Variants in UST observed in about 807,000 individuals in gnomAD.
The protein encoded by UST is uronyl 2-sulfotransferase.
UST carries 21 observed loss-of-function variants against 45.6 expected under a neutral mutation model. That is an observed-to-expected ratio of 0.46 (90% CI 0.33 to 0.66). The LOEUF is 0.66. Ranked by LOEUF, UST falls within the 30% of genes least tolerant of loss-of-function variation. UST has a pLI of 0.02. For missense variants in UST, 463 were observed against 512.4 expected, an observed-to-expected ratio of 0.90 and a Z score of 0.93; for synonymous variants, 215 against 200.6, an observed-to-expected ratio of 1.07 and a Z score of -0.61.
chr6:148,882,829 TA>T (rs1778848311), intron 1 of UST, among the ~76,000 whole-genome samples: 1 of 152,196 alleles, frequency 6.6e-6, no homozygotes, highest in South Asian at 2.1e-4. Flanking sequence ...AAACACTCAA[TA>T]AAGGTTGTTA....
rs5880821 is a variant in UST, at chr6:148,971,225, A to AT, written c.681+6673dup. 1.7e-4 allele frequency among the ~76,000 whole-genome samples: 26 copies of AT among 150,956 alleles called. No individual in the cohort carries two copies. The South Asian group carries it at 3.8e-3, about 22-fold the overall frequency. On this transcript the variant is annotated intron_variant, in intron 5 of 7. Coordinates refer to ENST00000367463, the MANE Select transcript of UST (RefSeq NM_005715.3). ...TGCAAAACTAAGTGGCCAGTCATAC[A>AT]TTTTTTTTTTTCTTCTACTAGTGAC...
At chr6:149,017,900 G>A (rs1373110917) in intron 5 of UST, among the ~76,000 whole-genome samples, 2 of 151,092 alleles carry the variant, frequency 1.3e-5, no homozygotes, top group Non-Finnish European at 2.9e-5. Context: ...CATTTTAATG[G>A]GTTTTCATAC....
intron 5 of UST, among the ~76,000 whole-genome samples, chr6:148,968,464 C>G (rs556511353): frequency 6.6e-6 from 1 of 152,318 alleles, no homozygotes; most frequent in East Asian, 1.9e-4. Flanking sequence ...TGGAAGCTCC[C>G]CAGTGTGGAG....
chr6:148,806,388 G>C (rs186751836), intron 1 of UST, among the ~76,000 whole-genome samples: 202 of 152,224 alleles, frequency 1.3e-3, no homozygotes, highest in African/African-American at 4.5e-3. Flanking sequence ...ACCCAGGCTG[G>C]AGTGCAGCGG....
At chr6:148,879,918 A>G (rs1778789958) in intron 1 of UST, among the ~76,000 whole-genome samples, 2 of 131,424 alleles carry the variant, frequency 1.5e-5, no homozygotes. Context: ...GTCTAGGTGC[A>G]AGATATCTGA....
At chr6:148,856,545 T>C (rs1778208931) in intron 1 of UST, among the ~76,000 whole-genome samples, 1 of 152,198 alleles carries the variant, frequency 6.6e-6, no homozygotes, top group Non-Finnish European at 1.5e-5. Flanking sequence ...ATGGGGGCTT[T>C]TCCCTTAGTC....
intron 1 of UST, among the ~76,000 whole-genome samples, chr6:148,856,669 C>T (rs973475191): frequency 6.6e-5 from 10 of 152,162 alleles, no homozygotes; most frequent in African/African-American, 9.7e-5. Context: ...CTGGGTAAAT[C>T]ACGTGTTTAT....
At chr6:149,036,442 A>G (rs530858057) in intron 7 of UST, among the ~76,000 whole-genome samples, 1 of 152,308 alleles carries the variant, frequency 6.6e-6, no homozygotes, top group South Asian at 2.1e-4. Context: ...CCAGCATTTT[A>G]TCCATCTTTT....
intron 1 of UST, among the ~76,000 whole-genome samples, chr6:148,761,632 C>T (rs565041285): frequency 2.0e-5 from 3 of 152,264 alleles, no homozygotes; most frequent in East Asian, 3.9e-4. Flanking sequence ...GTGGAGAATG[C>T]CCGGCAGGGC....
chr6:148,872,594 A>C (rs540564600), intron 1 of UST, among the ~76,000 whole-genome samples: 51 of 152,340 alleles, frequency 3.3e-4, no homozygotes, highest in African/African-American at 1.1e-3. Flanking sequence ...TGCTGCTGTA[A>C]CAAATTACTA....
intron 5 of UST, among the ~76,000 whole-genome samples, chr6:148,966,208 A>G (rs561709515): frequency 6.6e-6 from 1 of 151,236 alleles, no homozygotes; most frequent in Non-Finnish European, 1.5e-5. Flanking sequence ...TAGGTGCCAG[A>G]CCGAGACTCC....
intron 1 of UST, among the ~76,000 whole-genome samples, chr6:148,840,729 G>T (rs1777872701): frequency 6.6e-6 from 1 of 152,226 alleles, no homozygotes; most frequent in Admixed American, 6.5e-5. Flanking sequence ...AAAAAAATCT[G>T]CATATAAGTG....
intron 1 of UST, among the ~76,000 whole-genome samples, chr6:148,758,537 A>G (rs899519290): frequency 2.5e-4 from 38 of 152,334 alleles, no homozygotes; most frequent in African/African-American, 8.9e-4. Context: ...AATGCCAGGC[A>G]TACACTGTGC....
At chr6:148,926,413 A>G (rs1779815990) in intron 2 of UST, among the ~76,000 whole-genome samples, 1 of 152,260 alleles carries the variant, frequency 6.6e-6, no homozygotes, top group Non-Finnish European at 1.5e-5. Flanking sequence ...ACACAAGTGG[A>G]GAGCCCTTTT....
intron 1 of UST, among the ~76,000 whole-genome samples, chr6:148,879,073 G>C (rs981766403): frequency 6.6e-6 from 1 of 152,058 alleles, no homozygotes; most frequent in Non-Finnish European, 1.5e-5. Flanking sequence ...AAGATCTTTA[G>C]GGCCCCAGAA....
intron 5 of UST, among the ~76,000 whole-genome samples, chr6:148,998,305 G>A (rs1781487407): frequency 1.3e-5 from 2 of 152,184 alleles, no homozygotes; most frequent in Admixed American, 6.5e-5. Context: ...CCTCCAGGAA[G>A]TACTAAACTG....
chr6:148,794,548 T>A (rs959139582), intron 1 of UST, among the ~76,000 whole-genome samples: 18 of 152,208 alleles, frequency 1.2e-4, no homozygotes, highest in Non-Finnish European at 1.9e-4. Context: ...CAACCTTTTT[T>A]AAAAAGTCAG....
At chr6:149,052,934 A>G (rs952463632) in intron 7 of UST, among the ~76,000 whole-genome samples, 2 of 152,214 alleles carry the variant, frequency 1.3e-5, no homozygotes, top group African/African-American at 2.4e-5. Context: ...GTTTTAATGA[A>G]TCGGAGAGTG....
At chr6:148,877,585 TGCGAG>T (rs1419885207) in intron 1 of UST, among the ~76,000 whole-genome samples, 357 of 88,046 alleles carry the variant, frequency 4.1e-3, no homozygotes, top group Middle Eastern at 7.8e-3. Flanking sequence ...CGTGTATGAG[TGCGAG>T]GGGTCGTGTA....
Sources: allele counts gnomAD v4.1 joint callset (sites outside exome capture counted in the v4.1 genomes callset), GRCh38; gene constraint gnomAD v4.1.1; transcripts MANE v1.5; gene names NCBI Gene and HGNC (gene_info 2026-07-23, HGNC 2026-07-21).